The following PIGF variants were observed in gnomAD, a reference collection of about 807,000 sequenced individuals.
PIGF encodes the protein phosphatidylinositol glycan anchor biosynthesis class F.
Under a neutral mutation model 26.0 loss-of-function variants are expected in PIGF, and 23 were observed. That is an observed-to-expected ratio of 0.88 (90% CI 0.64 to 1.25). The LOEUF is 1.25. Among genes scored for constraint, PIGF ranks in the 50% most tolerant of loss-of-function variants. The probability of loss-of-function intolerance (pLI) is 0.00; values close to 1 mark genes in which losing one functional copy is unlikely to be tolerated. For synonymous variants in PIGF, 93 were observed against 92.6 expected, an observed-to-expected ratio of 1.00 and a Z score of -0.03; for missense variants, 278 against 249.9, an observed-to-expected ratio of 1.11 and a Z score of -0.76.
intron 4 of PIGF, among the ~76,000 whole-genome samples, chr2:46,607,947 C>T (rs2104126042): frequency 6.6e-6 from 1 of 152,302 alleles, no homozygotes; most frequent in East Asian, 1.9e-4. Context: ...ATCTGCCTGT[C>T]TCAGCCTCCC....
Position 46,586,883 on chromosome 2 carries a change from T to C in PIGF, c.547-5292A>G, listed in dbSNP as rs1669586837. Among the ~76,000 whole-genome samples the C allele has an allele frequency of 1.3e-5, 2 of 152,232 alleles. 1 individual carries two copies. Among genetic ancestry groups the C allele is most frequent in the African/African-American group, 4.8e-5 (2 of 41,466 alleles). ...TTAAAAATCTACACTCATCCATGTA[T>C]ACACTCTCCTGTGACTAAGAATACT... is the stretch of plus-strand genomic sequence containing the variant. On this transcript the variant is annotated intron_variant, in intron 5 of 5. Transcript: ENST00000281382.
chr2:46,583,456 T>A (rs1159109215), intron 5 of PIGF, among the ~76,000 whole-genome samples: 6 of 152,150 alleles, frequency 3.9e-5, no homozygotes, highest in Non-Finnish European at 7.4e-5. Context: ...ATATAGATTA[T>A]CAGAACTCTA....
intron 4 of PIGF, among the ~76,000 whole-genome samples, chr2:46,607,197 T>TC (rs1670251053): frequency 6.6e-6 from 1 of 152,232 alleles, no homozygotes; most frequent in African/African-American, 2.4e-5. Context: ...TTACTACGTG[T>TC]CATGAGCCAC....
chr2:46,612,236 A>G lies in PIGF; in HGVS notation c.429T>C (p.Ser143=). The change falls in exon 4 of 6, where the codon AGT becomes AGC. Residue 143 remains serine (S), a synonymous_variant. Transcript: ENST00000281382. ...PNLKAWLRVF[S]RNGVTSIWEN... ...ATAAAATTAAAACTTACCCATTTCT[A>G]CTGAACACTCTTAGCCATGCTTTGA... is the stretch of plus-strand genomic sequence containing the variant. 8.8e-7 allele frequency: 1 copy of G among 1,138,542 alleles called. No individual in the cohort carries two copies. The highest frequency in any genetic ancestry group is 1.2e-6 in the Non-Finnish European group (1 of 849,066). The allele number at this position is 1,138,542 out of a possible 1,614,324, so 70.5% of individuals were successfully genotyped here.
At chr2:46,608,086 T>C (rs1401308763) in intron 4 of PIGF, among the ~76,000 whole-genome samples, 1 of 152,240 alleles carries the variant, frequency 6.6e-6, no homozygotes, top group African/African-American at 2.4e-5. Flanking sequence ...TAGCGTGCCA[T>C]GCTGTTTGAC....
chr2:46,592,862 A>G (rs1669763760), intron 4 of PIGF, among the ~76,000 whole-genome samples: 2 of 152,018 alleles, frequency 1.3e-5, no homozygotes, highest in Non-Finnish European at 2.9e-5. Flanking sequence ...CCTATCATCA[A>G]CTCCTGGTTC....
chr2:46,586,346 C>A (rs1669570798), intron 5 of PIGF, among the ~76,000 whole-genome samples: 1 of 152,068 alleles, frequency 6.6e-6, no homozygotes, highest in Admixed American at 6.5e-5. Flanking sequence ...ATTTGTGGAG[C>A]CCCTACCTTA....
intron 5 of PIGF, 162 bp from the exon 6 acceptor site, chr2:46,581,753 G>C: frequency 9.7e-7 from 1 of 1,031,988 alleles, no homozygotes; most frequent in Non-Finnish European, 1.3e-6. Flanking sequence ...CACTAAAAAT[G>C]TACACATTTT....
At chr2:46,593,134 C>CTTTT (rs71397007) in intron 4 of PIGF, among the ~76,000 whole-genome samples, 3 of 132,298 alleles carry the variant, frequency 2.3e-5, no homozygotes, top group Admixed American at 7.7e-5. Flanking sequence ...ACCAGTCTTT[C>CTTTT]TTTTTTTTTT....
intron 4 of PIGF, among the ~76,000 whole-genome samples, chr2:46,610,860 C>T (rs370521811): frequency 3.9e-5 from 6 of 152,064 alleles, no homozygotes; most frequent in Non-Finnish European, 8.8e-5. Flanking sequence ...GGGAATAAGT[C>T]GGTAATTTAT....
chr2:46,600,774 A>C (rs1670031708), intron 4 of PIGF, among the ~76,000 whole-genome samples: 1 of 151,272 alleles, frequency 6.6e-6, no homozygotes, highest in South Asian at 2.1e-4. Context: ...GTTTTATGTT[A>C]CTTATAGAGA....
intron 4 of PIGF, among the ~76,000 whole-genome samples, chr2:46,594,334 C>T (rs1669814979): frequency 6.6e-6 from 1 of 152,152 alleles, no homozygotes; most frequent in Non-Finnish European, 1.5e-5. Flanking sequence ...GCAGAGATTA[C>T]TTTCTGTTGG....
intron 5 of PIGF, among the ~76,000 whole-genome samples, chr2:46,584,924 A>C (rs770162549): frequency 7.2e-5 from 11 of 152,182 alleles, no homozygotes; most frequent in Admixed American, 1.3e-4. Flanking sequence ...TATTCTAAAA[A>C]TTTTTAAACT....
chr2:46,596,082 C>A (rs1017601922), intron 4 of PIGF, among the ~76,000 whole-genome samples: 2 of 151,986 alleles, frequency 1.3e-5, no homozygotes, highest in African/African-American at 4.8e-5. Flanking sequence ...GGCGCAGCGT[C>A]AGGCACCTGT....
intron 4 of PIGF, among the ~76,000 whole-genome samples, chr2:46,605,618 G>A (rs1192678559): frequency 1.3e-5 from 2 of 152,106 alleles, no homozygotes; most frequent in Non-Finnish European, 2.9e-5. Flanking sequence ...TTACATATGT[G>A]AAGTTAAGTA....
chr2:46,595,943 G>A (rs1007710457), intron 4 of PIGF, among the ~76,000 whole-genome samples: 27 of 151,932 alleles, frequency 1.8e-4, no homozygotes, highest in Admixed American at 1.7e-3. Context: ...GGCTGGGTGC[G>A]GTGGCTCTCG....
chr2:46,581,482 T>A lies in PIGF; in HGVS notation c.656A>T (p.Asn219Ile). 2 of 1,610,892 alleles carry A rather than the reference T, an allele frequency of 1.2e-6. No homozygotes were observed. Among genetic ancestry groups the A allele is most frequent in the Non-Finnish European group, 1.7e-6 (2 of 1,179,232 alleles). Residue 219 changes from asparagine (N) to isoleucine (I), a missense_variant, in exon 6 of 6, where the codon AAT (asparagine) becomes ATT (isoleucine). Coordinates refer to ENST00000281382, the MANE Select transcript of PIGF (RefSeq NM_002643.4). ...WNRKQLTYKN[N>I] ...AAATATCTCCCTTTGCTCCAGTTAA[T>A]TGTTCTTGTATGTAAGTTGCTTTCT...
chr2:46,587,458 A>G (rs1234063350), intron 5 of PIGF, among the ~76,000 whole-genome samples: 4 of 152,038 alleles, frequency 2.6e-5, no homozygotes, highest in African/African-American at 9.7e-5. Context: ...AAACCCAAAA[A>G]ATTTTTAAAT....
chr2:46,581,397 G>T lies in PIGF; in HGVS notation c.*81C>A. 2 of 1,537,538 alleles carry T rather than the reference G, an allele frequency of 1.3e-6. No homozygotes were observed. Among genetic ancestry groups the T allele is most frequent in the Non-Finnish European group, 1.8e-6 (2 of 1,139,486 alleles). ...CTACGTAAAAAACAGAGCTGTAAAT[G>T]GAACTGCTTGGCTTTGACCATACAC... On this transcript the variant is annotated 3_prime_UTR_variant, in exon 6 of 6. Coordinates refer to ENST00000281382, the MANE Select transcript of PIGF (RefSeq NM_002643.4).
Sources: gnomAD v4.1 joint callset for allele counts (sites outside exome capture counted in the v4.1 genomes callset) on GRCh38, gnomAD v4.1.1 for gene constraint, MANE v1.5 for transcripts, NCBI Gene and HGNC (gene_info 2026-07-23, HGNC 2026-07-21) for gene names.